The following SLC20A2 variants were observed in gnomAD, a reference collection of about 807,000 sequenced individuals.
SLC20A2 encodes the protein sodium-dependent phosphate transporter 2.
SLC20A2 carries 30 observed loss-of-function variants against 61.0 expected under a neutral mutation model. That is an observed-to-expected ratio of 0.49 (90% CI 0.37 to 0.67). The LOEUF (loss-of-function observed/expected upper bound fraction) is 0.67, where lower values mean the gene tolerates loss of function less well. Among genes scored for constraint, SLC20A2 ranks in the 30% least tolerant of loss-of-function variants. SLC20A2 has a pLI of 0.00. For missense variants in SLC20A2, 626 were observed against 866.4 expected, an observed-to-expected ratio of 0.72 and a Z score of 3.48; for synonymous variants, 351 against 353.3, an observed-to-expected ratio of 0.99 and a Z score of 0.07.
rs1806556752 is a variant in SLC20A2, at chr8:42,459,799, T to C, written c.613+97A>G. 3 of 795,230 alleles carry C rather than the reference T, an allele frequency of 3.8e-6. No homozygotes were observed. The Admixed American group carries it at 6.6e-5, about 17-fold the overall frequency. The allele number at this position is 795,230 out of a possible 1,614,324, so 49.3% of individuals were successfully genotyped here. A position where few individuals can be genotyped will look rare whatever the true frequency, so the allele number is the denominator to read the frequency against. On this transcript the variant is annotated intron_variant, in intron 5 of 10. Transcript: ENST00000520262. ...ATTCCATAATGACCATGAGTAATGC[T>C]TTTTACTGTCAGCCAACAATACCAG...
At chr8:42,490,451 G>T (rs1167671752) in intron 1 of SLC20A2, among the ~76,000 whole-genome samples, 1 of 152,150 alleles carries the variant, frequency 6.6e-6, no homozygotes, top group Non-Finnish European at 1.5e-5. Context: ...ACAAAAATTA[G>T]CCGGACATGG....
At chr8:42,452,474 G>A (rs796721503) in intron 5 of SLC20A2, among the ~76,000 whole-genome samples, 7 of 143,714 alleles carry the variant, frequency 4.9e-5, no homozygotes, top group African/African-American at 1.6e-4. Flanking sequence ...GAAGGAGGAA[G>A]GGATGAAGAG....
At chr8:42,451,637 T>G (rs1431849490) in intron 5 of SLC20A2, among the ~76,000 whole-genome samples, 4 of 83,128 alleles carry the variant, frequency 4.8e-5, no homozygotes, top group African/African-American at 9.7e-5. Context: ...GAGGAAGAGA[T>G]GAAGAGGAAG....
intron 1 of SLC20A2, among the ~76,000 whole-genome samples, chr8:42,485,379 C>T (rs1168874736): frequency 5.3e-5 from 8 of 152,070 alleles, no homozygotes; most frequent in Non-Finnish European, 1.0e-4. Context: ...CGGTGGCTCA[C>T]GCCTGTAATT....
At chr8:42,534,712 G>A (rs1812597550) in intron 1 of SLC20A2, 1 of 152,190 alleles carries the variant, frequency 6.6e-6, no homozygotes, top group Admixed American at 6.5e-5. Flanking sequence ...AGTAGATAAA[G>A]GTGAAATTAA....
At chr8:42,464,092 CTTTTTTTTTTTTTTTT>C (rs1170751054) in intron 3 of SLC20A2, among the ~76,000 whole-genome samples, 7 of 20,552 alleles carry the variant, frequency 3.4e-4, no homozygotes, top group Admixed American at 2.2e-3. Flanking sequence ...GCTGGATGAT[CTTTTTTTTTTTTTTTT>C]TTTTTTTTTT....
chr8:42,450,454 C>T (rs1805556142), intron 5 of SLC20A2, among the ~76,000 whole-genome samples: 1 of 152,126 alleles, frequency 6.6e-6, no homozygotes. Context: ...TCTCGAACTC[C>T]TGACCTCAGG....
intron 1 of SLC20A2, among the ~76,000 whole-genome samples, chr8:42,490,434 C>G (rs1223338004): frequency 1.3e-5 from 2 of 151,906 alleles, no homozygotes; most frequent in African/African-American, 4.8e-5. Context: ...CTGTCTCTAC[C>G]GAAAATACAA....
chr8:42,452,327 AAG>A (rs149445825), intron 5 of SLC20A2, among the ~76,000 whole-genome samples: 8,695 of 140,714 alleles, frequency 0.062, 938 homozygotes, highest in African/African-American at 0.22. Context: ...GAGGAGAAGA[AAG>A]AGATAGGAGG....
intron 1 of SLC20A2, among the ~76,000 whole-genome samples, chr8:42,485,333 A>AT (rs886834781): frequency 3.9e-5 from 6 of 151,962 alleles, no homozygotes; most frequent in African/African-American, 1.5e-4. Flanking sequence ...CTGTGCCTGC[A>AT]TTTTTCCTTT....
In SLC20A2 at chr8:42,437,162, G is replaced by A. The variant is rs1008551309; in HGVS notation, c.1350C>T (p.Gly450=). Residue 450 remains glycine, a synonymous_variant, in exon 8 of 11, where the codon GGC becomes GGT. Coordinates refer to ENST00000520262, the MANE Select transcript of SLC20A2 (RefSeq NM_001257180.2). This position sits in a 1 kb window ranked among gnomAD's most constrained non-coding sequence, Gnocchi z 6.4. ...CCGACGCCAGCTTCATCTCCACGCCGCCCTCCTCCGCCTCGATCTCCGCCT... is the reference window on the plus strand; with the variant it reads ...CCGACGCCAGCTTCATCTCCACGCCACCCTCCTCCGCCTCGATCTCCGCCT... ...VAEAEIEAEE[G]GVEMKLASEL... 6 of 1,613,550 alleles carry A rather than the reference G, an allele frequency of 3.7e-6. No homozygotes were observed. The highest frequency in any genetic ancestry group is 2.7e-5 in the African/African-American group (2 of 75,038).
intron 5 of SLC20A2, among the ~76,000 whole-genome samples, chr8:42,455,873 A>T (rs1806157625): frequency 1.3e-5 from 2 of 152,146 alleles, no homozygotes; most frequent in South Asian, 4.1e-4. Context: ...TCAGTTTCCC[A>T]CCTGTAAAAT....
intron 1 of SLC20A2, among the ~76,000 whole-genome samples, chr8:42,507,985 C>A (rs1416905985): frequency 1.3e-5 from 2 of 151,846 alleles, no homozygotes; most frequent in Non-Finnish European, 2.9e-5. Flanking sequence ...TATGGTGAAA[C>A]CCCATCTCGA....
At chr8:42,465,064 C>T (rs1022978360) in intron 3 of SLC20A2, among the ~76,000 whole-genome samples, 4 of 151,906 alleles carry the variant, frequency 2.6e-5, no homozygotes, top group Non-Finnish European at 5.9e-5. Flanking sequence ...ATACCATCTA[C>T]GTCTTTTTTT....
chr8:42,517,770 G>A (rs958406789), intron 1 of SLC20A2, among the ~76,000 whole-genome samples: 2 of 152,126 alleles, frequency 1.3e-5, no homozygotes, highest in African/African-American at 4.8e-5. Flanking sequence ...CAATTAACTG[G>A]AAGTCAACTG....
At chr8:42,531,505 A>G (rs1812317355) in intron 1 of SLC20A2, among the ~76,000 whole-genome samples, 1 of 152,224 alleles carries the variant, frequency 6.6e-6, no homozygotes, top group Non-Finnish European at 1.5e-5. Context: ...ATATATTATA[A>G]TAATTAAATG....
At position 42,472,874 on chromosome 8, in the gene SLC20A2, G is replaced by A. The variant is rs1324280078; in HGVS notation, c.-264-220C>T. On this transcript the variant is annotated intron_variant, in intron 1 of 10. Transcript: ENST00000520262. The surrounding 1 kb of genome is among the most constrained non-coding windows in gnomAD (Gnocchi z 4.1). ...CTAGAATTGTCAGGAGTTGAAGCATGCTTAATAATTACAGACTAATAGTAA... is the reference window on the plus strand; with the variant it reads ...CTAGAATTGTCAGGAGTTGAAGCATACTTAATAATTACAGACTAATAGTAA... 6.6e-6 allele frequency among the ~76,000 whole-genome samples: 1 copy of A among 152,212 alleles called. No individual in the cohort carries two copies.
Position 42,509,160 on chromosome 8 carries a change from T to C in SLC20A2, c.-265+32661A>G, listed in dbSNP as rs551430597. Among the ~76,000 whole-genome samples the C allele has an allele frequency of 9.8e-4, 150 of 152,366 alleles. No individual in the cohort carries two copies. In the South Asian group the frequency reaches 0.029, roughly 30 times the overall value. ...TATGCATACACAGCAAACAGTTATA[T>C]AGATATAGATAGGCATGTATGAATG... On this transcript the variant is annotated intron_variant, in intron 1 of 10. Coordinates refer to the SLC20A2 transcript ENST00000342228.
At chr8:42,496,964 A>G (rs1809977235) in intron 1 of SLC20A2, among the ~76,000 whole-genome samples, 1 of 152,250 alleles carries the variant, frequency 6.6e-6, no homozygotes, top group South Asian at 2.1e-4. Context: ...CTGTGAGGTC[A>G]CATGGGGAGG....
Sources: gnomAD v4.1 joint callset for allele counts (sites outside exome capture counted in the v4.1 genomes callset) on GRCh38, gnomAD v4.1.1 for gene constraint, Gnocchi (gnomAD v3.1) non-coding constraint, MANE v1.5 for transcripts, NCBI Gene and HGNC (gene_info 2026-07-23, HGNC 2026-07-21) for gene names.